The following NPTN variants were observed in gnomAD, a reference collection of about 807,000 sequenced individuals.
NPTN encodes neuroplastin.
NPTN carries 5 observed loss-of-function variants against 42.7 expected under a neutral mutation model. That is an observed-to-expected ratio of 0.12 (90% CI 0.06 to 0.25). NPTN has a LOEUF of 0.25. Among genes scored for constraint, NPTN ranks in the 10% least tolerant of loss-of-function variants. The pLI, the probability that NPTN is intolerant of heterozygous loss-of-function variation, is 1.00. For missense variants in NPTN, 307 were observed against 525.4 expected, an observed-to-expected ratio of 0.58 and a Z score of 4.06; for synonymous variants, 180 against 201.9, an observed-to-expected ratio of 0.89 and a Z score of 0.92.
intron 3 of NPTN, among the ~76,000 whole-genome samples, chr15:73,590,763 A>G (rs528044512): frequency 9.8e-5 from 15 of 152,318 alleles, no homozygotes; most frequent in African/African-American, 3.4e-4. Flanking sequence ...CCCTGTCTCA[A>G]TAAAATAAAA....
chr15:73,633,244 TGGGCCGGGGCCAGAGCCG>T lies in NPTN; in HGVS notation c.-47_-30del, dbSNP rs1898865970. ...CCCTAGCAGAAGACCCAACAGCGAATGGGCCGGGGCCAGAGCCGGGGCCGGGGAAGGGAGGGGAGGGAG... is the reference window on the plus strand; with the variant it reads ...CCCTAGCAGAAGACCCAACAGCGAATGGGCCGGGGAAGGGAGGGGAGGGAG... On this transcript the variant is annotated 5_prime_UTR_variant, in exon 1 of 9. Coordinates refer to ENST00000345330, the MANE Select transcript of NPTN (RefSeq NM_012428.4). The T allele has an allele frequency of 3.0e-6, 3 of 1,005,566 alleles. No individual in the cohort carries two copies. Among genetic ancestry groups the T allele is most frequent in the Non-Finnish European group, 4.1e-6 (3 of 740,170 alleles). 62.3% of individuals were successfully genotyped at this position (1,005,566 alleles called of 1,614,324 possible).
intron 4 of NPTN, among the ~76,000 whole-genome samples, chr15:73,574,488 G>A (rs1398639431): frequency 2.0e-5 from 3 of 152,094 alleles, no homozygotes; most frequent in African/African-American, 7.2e-5. Context: ...TGGCATGATC[G>A]CTGCTCACTG....
chr15:73,625,931 T>TAA (rs1898382276), intron 1 of NPTN, among the ~76,000 whole-genome samples: 1 of 152,226 alleles, frequency 6.6e-6, no homozygotes, highest in African/African-American at 2.4e-5. Context: ...GTACCATGAA[T>TAA]GTTTACAACT....
Position 73,570,207 on chromosome 15 carries a change from G to A in NPTN, c.1057C>T (p.Leu353Phe), listed in dbSNP as rs1453619981. 6.2e-7 allele frequency: 1 copy of A among 1,614,004 alleles called. No individual in the cohort carries two copies. Among genetic ancestry groups the A allele is most frequent in the Non-Finnish European group, 8.5e-7 (1 of 1,180,028 alleles). Residue 353 changes from leucine to phenylalanine, a missense_variant, in exon 6 of 9, where the codon CTT (leucine) becomes TTT (phenylalanine). By Grantham distance (22) the Leu-to-Phe change is conservative. This residue lies in a region of NPTN where 264 missense variants were observed against 491.1 expected (regional missense o/e 0.54). Coordinates refer to ENST00000345330, the MANE Select transcript of NPTN (RefSeq NM_012428.4). This position sits in a 1 kb window ranked among gnomAD's most constrained non-coding sequence, Gnocchi z 4.0. ...TCATACACAACAATGATCACCACAA[G>A]GATGATAATTTCAGCCAGAATTCCC... is the stretch of plus-strand genomic sequence containing the variant. ...FLGILAEIIILVVIIVVYEKR... is the reference protein window; with the variant it reads ...FLGILAEIIIFVVIIVVYEKR...
chr15:73,611,375 T>G (rs960278009), intron 1 of NPTN, among the ~76,000 whole-genome samples: 2 of 151,798 alleles, frequency 1.3e-5, no homozygotes, highest in African/African-American at 4.8e-5. Context: ...TCCCAAACAG[T>G]AAAATACTAT....
rs1222615389 is a variant in NPTN, at chr15:73,604,980, C to G, written c.92-7611G>C. ...GAGCATGGTGGTATGCACCTCTAGT[C>G]CCAGCTACTTGGAAGGCTGAGGTAA... On this transcript the variant is annotated intron_variant, in intron 1 of 8. Coordinates refer to ENST00000345330, the MANE Select transcript of NPTN (RefSeq NM_012428.4). Among the ~76,000 whole-genome samples, 3 of 151,874 alleles carry G rather than the reference C, an allele frequency of 2.0e-5. No individual in the cohort carries two copies. The East Asian group carries it at 5.8e-4, about 29-fold the overall frequency.
chr15:73,588,930 G>A (rs919061477), intron 3 of NPTN, among the ~76,000 whole-genome samples: 2 of 152,136 alleles, frequency 1.3e-5, no homozygotes, highest in Non-Finnish European at 2.9e-5. Flanking sequence ...CCTGGAATAC[G>A]GCAGGGGAAT....
chr15:73,602,060 G>A (rs754590008), intron 1 of NPTN, among the ~76,000 whole-genome samples: 23 of 152,140 alleles, frequency 1.5e-4, no homozygotes, highest in Non-Finnish European at 2.9e-4. Flanking sequence ...ACACAGAAGA[G>A]CAAGTTGAGC....
chr15:73,605,553 A>C (rs1354111307), intron 1 of NPTN, among the ~76,000 whole-genome samples: 1 of 151,928 alleles, frequency 6.6e-6, no homozygotes, highest in East Asian at 2.0e-4. Flanking sequence ...ACATGAAGAA[A>C]ACTCGTCTCT....
intron 1 of NPTN, among the ~76,000 whole-genome samples, chr15:73,604,167 A>G (rs910057012): frequency 6.6e-6 from 1 of 152,194 alleles, no homozygotes; most frequent in Non-Finnish European, 1.5e-5. Flanking sequence ...AAAAAATTTA[A>G]AAGTATGATT....
intron 1 of NPTN, among the ~76,000 whole-genome samples, chr15:73,612,584 G>A (rs1175549105): frequency 3.3e-5 from 5 of 151,926 alleles, no homozygotes; most frequent in Non-Finnish European, 7.4e-5. Flanking sequence ...TGGCTAACAT[G>A]GTGAAACCCC....
chr15:73,584,289 T>C (rs1896205050), intron 4 of NPTN, among the ~76,000 whole-genome samples: 1 of 152,076 alleles, frequency 6.6e-6, no homozygotes, highest in Non-Finnish European at 1.5e-5. Context: ...ATCAAAATGG[T>C]TAAGGGATAA....
intron 1 of NPTN, among the ~76,000 whole-genome samples, chr15:73,624,958 T>C (rs184284134): frequency 6.6e-6 from 1 of 152,368 alleles, no homozygotes; most frequent in South Asian, 2.1e-4. Flanking sequence ...CTATATATAA[T>C]GGCTAATGTA....
intron 1 of NPTN, among the ~76,000 whole-genome samples, chr15:73,625,787 A>C (rs1478395953): frequency 6.6e-6 from 1 of 152,180 alleles, no homozygotes; most frequent in Non-Finnish European, 1.5e-5. Flanking sequence ...AATAAGTAGC[A>C]AGGGTGTAGC....
chr15:73,626,783 T>C (rs1321165576), intron 1 of NPTN, among the ~76,000 whole-genome samples: 1 of 152,206 alleles, frequency 6.6e-6, no homozygotes, highest in Non-Finnish European at 1.5e-5. Context: ...GATTTGGGAC[T>C]TAATGCTTTC....
Position 73,560,155 on chromosome 15 carries a change from A to G in NPTN, c.*908T>C, listed in dbSNP as rs189356212. 6.2e-5 allele frequency: 21 copies of G among 336,026 alleles called. No individual in the cohort carries two copies. Among genetic ancestry groups the G allele is most frequent in the African/African-American group, 4.5e-4 (21 of 46,272 alleles). The allele number at this position is 336,026 out of a possible 1,614,324, so 20.8% of individuals were successfully genotyped here. On this transcript the variant is annotated 3_prime_UTR_variant, in exon 9 of 9. Coordinates refer to ENST00000345330, the MANE Select transcript of NPTN (RefSeq NM_012428.4). ...TGAGAACCGTTAGGTTATAAAATCT[A>G]TCATCAACCAGTAAATCAATGTGAA...
rs1418649393 is a variant in NPTN, at chr15:73,569,586, T to C, written c.1114+564A>G. Reference sequence around the variant, plus strand: ...CCCAGCAGAGAGCGCTGGAAACCTATCAAAGGGACCAACCAAGGAACCAAA... The same window carrying C: ...CCCAGCAGAGAGCGCTGGAAACCTACCAAAGGGACCAACCAAGGAACCAAA... On this transcript the variant is annotated intron_variant, in intron 6 of 8. Coordinates refer to ENST00000345330, the MANE Select transcript of NPTN (RefSeq NM_012428.4). This position sits in a 1 kb window ranked among gnomAD's most constrained non-coding sequence, Gnocchi z 4.1. The C allele has an allele frequency of 5.1e-6, 5 of 985,450 alleles. No individual in the cohort carries two copies. The highest frequency in any genetic ancestry group is 6.0e-6 in the Non-Finnish European group (5 of 829,936). The allele number at this position is 985,450 out of a possible 1,614,324, so 61.0% of individuals were successfully genotyped here.
chr15:73,589,962 TTC>T (rs1896506373), intron 3 of NPTN, among the ~76,000 whole-genome samples: 1 of 151,666 alleles, frequency 6.6e-6, no homozygotes, highest in Admixed American at 6.5e-5. Flanking sequence ...TAAACTGAAG[TTC>T]TTTGAGTCCA....
intron 4 of NPTN, among the ~76,000 whole-genome samples, chr15:73,577,714 G>A (rs964029888): frequency 1.3e-5 from 2 of 152,096 alleles, no homozygotes; most frequent in Admixed American, 1.3e-4. Flanking sequence ...GAGATATTTT[G>A]CAGACCTTGC....
Sources: gnomAD v4.1 joint callset for allele counts (sites outside exome capture counted in the v4.1 genomes callset) on GRCh38, gnomAD v4.1.1 for gene constraint, gnomAD v4.1.1 regional missense constraint, Gnocchi (gnomAD v3.1) non-coding constraint, MANE v1.5 for transcripts, NCBI Gene and HGNC (gene_info 2026-07-23, HGNC 2026-07-21) for gene names.